The following ZNF670 variants were observed in gnomAD, a reference collection of about 807,000 sequenced individuals.
The protein encoded by ZNF670 is zinc finger protein 670.
A neutral mutation model predicts 10.9 loss-of-function variants in ZNF670; 7 were observed. That is an observed-to-expected ratio of 0.64 (90% confidence interval 0.36 to 1.20). ZNF670 has a LOEUF of 1.20. ZNF670 is among the 50% of genes most tolerant of loss of function. The pLI is 0.02. For synonymous variants in ZNF670, 136 were observed against 152.7 expected (o/e 0.89, Z 0.81); for missense variants, 446 against 458.6 (o/e 0.97, Z 0.25).
At position 247,037,874 on chromosome 1, in the gene ZNF670, C is replaced by T; in HGVS notation, c.745G>A (p.Gly249Arg). The change falls in exon 4 of 4, where the codon GGA becomes AGA. Residue 249 changes from glycine (G) to arginine (R), a missense_variant. Gly to Arg is a moderately radical substitution (Grantham distance 125). Coordinates refer to ENST00000366503, the MANE Select transcript of ZNF670 (RefSeq NM_033213.5). ...SLRQHERSHT[G>R]EKPYECKECG... ...TCCTTACATTCATAGGGTTTCTCTC[C>T]AGTATGAGATCTTTCATGTTGGCGA... is the stretch of plus-strand genomic sequence containing the variant. The T allele has an allele frequency of 6.2e-7, 1 of 1,613,864 alleles. No homozygotes were observed. The highest frequency in any genetic ancestry group is 8.5e-7 in the Non-Finnish European group (1 of 1,179,938).
chr1:247,067,556 G>T (rs1352693907), intron 1 of ZNF670, among the ~76,000 whole-genome samples: 1 of 151,726 alleles, frequency 6.6e-6, no homozygotes, highest in Non-Finnish European at 1.5e-5. Context: ...AAAAGCTCCA[G>T]CACAGGCCGG....
intron 1 of ZNF670, among the ~76,000 whole-genome samples, chr1:247,078,347 G>T (rs1671302932): frequency 6.6e-6 from 1 of 152,200 alleles, no homozygotes; most frequent in Non-Finnish European, 1.5e-5. Context: ...CACGATCCGA[G>T]GGAGATGCGG....
chr1:247,074,791 T>C (rs867139516), intron 1 of ZNF670, among the ~76,000 whole-genome samples: 5 of 150,382 alleles, frequency 3.3e-5, no homozygotes, highest in African/African-American at 9.8e-5. Context: ...GGTGGTAATG[T>C]TCACTCACCT....
At chr1:247,065,108 G>A (rs1188910236) in intron 1 of ZNF670, among the ~76,000 whole-genome samples, 1 of 152,052 alleles carries the variant, frequency 6.6e-6, no homozygotes, top group South Asian at 2.1e-4. Context: ...AGGCCTGGCC[G>A]GTCTATGCAT....
At chr1:247,047,151 G>A (rs1302739456) in intron 1 of ZNF670, among the ~76,000 whole-genome samples, 3 of 152,208 alleles carry the variant, frequency 2.0e-5, no homozygotes, top group Non-Finnish European at 2.9e-5. Context: ...CACACTGTAA[G>A]CTGTCAGTGG....
At chr1:247,053,306 T>C (rs1248726133) in intron 1 of ZNF670, among the ~76,000 whole-genome samples, 2 of 152,112 alleles carry the variant, frequency 1.3e-5, no homozygotes, top group African/African-American at 4.8e-5. Context: ...ACCCCCAGAT[T>C]TTGCCCAGGA....
At chr1:247,060,454 T>C (rs1031040507) in intron 1 of ZNF670, among the ~76,000 whole-genome samples, 3 of 152,310 alleles carry the variant, frequency 2.0e-5, no homozygotes, top group African/African-American at 7.2e-5. Flanking sequence ...AGTCACAGAA[T>C]AAACTCAACA....
At chr1:247,063,942 G>C (rs550886275) in intron 1 of ZNF670, among the ~76,000 whole-genome samples, 7 of 152,358 alleles carry the variant, frequency 4.6e-5, no homozygotes, top group African/African-American at 1.7e-4. Context: ...TGCTGGCACA[G>C]CCTCACCCTG....
chr1:247,068,057 G>A (rs1671030932), intron 1 of ZNF670, among the ~76,000 whole-genome samples: 1 of 150,322 alleles, frequency 6.7e-6, no homozygotes, highest in Admixed American at 6.6e-5. Context: ...AGCGGCTCAC[G>A]CCTGTAATCC....
At chr1:247,065,772 T>C (rs1369579184) in intron 1 of ZNF670, among the ~76,000 whole-genome samples, 1 of 152,044 alleles carries the variant, frequency 6.6e-6, no homozygotes, top group Non-Finnish European at 1.5e-5. Context: ...CACATGGAAA[T>C]AAAGAAACAA....
At chr1:247,070,843 T>C (rs755906653) in intron 1 of ZNF670, among the ~76,000 whole-genome samples, 7 of 152,172 alleles carry the variant, frequency 4.6e-5, no homozygotes, top group Non-Finnish European at 1.0e-4. Flanking sequence ...CAGACACTTC[T>C]CCAAAGAAGA....
In ZNF670 at chr1:247,063,890, G is replaced by A. The variant is rs551784352; in HGVS notation, c.3+14704C>T. ...GCTTCCCAGAGGGCCTTGGGCCAGA[G>A]CAAATTTGCTGGAGCAGTGACAGGA... is the stretch of plus-strand genomic sequence containing the variant. On this transcript the variant is annotated intron_variant, in intron 1 of 3. Coordinates refer to ENST00000366503, the MANE Select transcript of ZNF670 (RefSeq NM_033213.5). Among the ~76,000 whole-genome samples, 10 of 152,332 alleles carry A rather than the reference G, an allele frequency of 6.6e-5. No individual in the cohort carries two copies. The East Asian group carries it at 1.7e-3, about 27-fold the overall frequency.
chr1:247,056,325 T>A (rs1443356726), intron 1 of ZNF670, among the ~76,000 whole-genome samples: 1 of 152,110 alleles, frequency 6.6e-6, no homozygotes, highest in Admixed American at 6.6e-5. Context: ...TGAAATAGTA[T>A]CAAGCATCTT....
intron 1 of ZNF670, among the ~76,000 whole-genome samples, chr1:247,046,709 T>C (rs2103056398): frequency 1.3e-5 from 2 of 152,242 alleles, no homozygotes; most frequent in East Asian, 3.9e-4. Flanking sequence ...TGGCACTGCC[T>C]AGCGGAGCTG....
chr1:247,060,945 C>T (rs1670843299), intron 1 of ZNF670, among the ~76,000 whole-genome samples: 1 of 152,120 alleles, frequency 6.6e-6, no homozygotes, highest in African/African-American at 2.4e-5. Flanking sequence ...TGGACATTTC[C>T]TTTACAGTAT....
intron 1 of ZNF670, among the ~76,000 whole-genome samples, chr1:247,062,136 C>T (rs895913259): frequency 4.6e-5 from 7 of 152,140 alleles, no homozygotes; most frequent in Admixed American, 2.0e-4. Flanking sequence ...CTCCAACATG[C>T]GAAAATGAGA....
intron 1 of ZNF670, among the ~76,000 whole-genome samples, chr1:247,061,209 T>C (rs1670849293): frequency 6.8e-6 from 1 of 146,244 alleles, no homozygotes; most frequent in Non-Finnish European, 1.5e-5. Flanking sequence ...TGAGATGGAG[T>C]CTCGCTCTGT....
At chr1:247,056,989 G>A (rs928582657) in intron 1 of ZNF670, among the ~76,000 whole-genome samples, 2 of 152,058 alleles carry the variant, frequency 1.3e-5, no homozygotes. Context: ...AACCAAACAT[G>A]GACGAATGAG....
intron 1 of ZNF670, among the ~76,000 whole-genome samples, chr1:247,050,763 C>T (rs983765196): frequency 1.1e-4 from 17 of 152,014 alleles, no homozygotes; most frequent in African/African-American, 1.7e-4. Flanking sequence ...CATGAGCCAC[C>T]GTGCCCAGTG....
Sources: gnomAD v4.1 joint callset for allele counts (sites outside exome capture counted in the v4.1 genomes callset) on GRCh38, gnomAD v4.1.1 for gene constraint, MANE v1.5 for transcripts, NCBI Gene and HGNC (gene_info 2026-07-23, HGNC 2026-07-21) for gene names.